The following COL23A1 variants were observed in gnomAD, a reference collection of about 807,000 sequenced individuals.
COL23A1 encodes collagen type XXIII alpha 1 chain.
A neutral mutation model predicts 99.3 loss-of-function variants in COL23A1; 97 were observed. That is an observed-to-expected ratio of 0.98 (90% confidence interval 0.83 to 1.16). The LOEUF (loss-of-function observed/expected upper bound fraction) is 1.16, where lower values mean the gene tolerates loss of function less well. Ranked by LOEUF, COL23A1 falls within the 50% of genes most tolerant of loss-of-function variation. The pLI, the probability that COL23A1 is intolerant of heterozygous loss-of-function variation, is 0.00. For missense variants in COL23A1, 762 were observed against 757.4 expected (o/e 1.01, Z -0.07); for synonymous variants, 320 against 308.2 (o/e 1.04, Z -0.40).
chr5:178,320,626 G>A (rs1288580221), intron 2 of COL23A1, among the ~76,000 whole-genome samples: 2 of 152,208 alleles, frequency 1.3e-5, no homozygotes, highest in African/African-American at 4.8e-5. Flanking sequence ...CCTGGCCTAT[G>A]AGGCTACAAG....
rs2127813008 is a variant in COL23A1 at position 178,428,800 on chromosome 5, C to G, written c.362-121881G>C. Among the ~76,000 whole-genome samples the G allele has an allele frequency of 6.6e-6, 1 of 152,360 alleles. No individual in the cohort carries two copies. Among genetic ancestry groups the G allele is most frequent in the South Asian group, 2.1e-4 (1 of 4,830 alleles). Reference sequence around the variant, plus strand: ...CAGTGTTAGGATTTTAACTGCTCATCTGCCCAGATGGGGGCTGTGCAAGCA... The same window carrying G: ...CAGTGTTAGGATTTTAACTGCTCATGTGCCCAGATGGGGGCTGTGCAAGCA... On this transcript the variant is annotated intron_variant, in intron 2 of 28. Transcript: ENST00000390654. The surrounding 1 kb of genome is among the most constrained non-coding windows in gnomAD (Gnocchi z 5.0).
At chr5:178,410,386 GGAATAGCAAGAGGGCTT>G (rs1561947169) in intron 2 of COL23A1, among the ~76,000 whole-genome samples, 1 of 152,096 alleles carries the variant, frequency 6.6e-6, no homozygotes, top group African/African-American at 2.4e-5. Context: ...AAATTCATAC[GGAATAGCAAGAGGGCTT>G]GAATAGCCAA....
At chr5:178,267,229 G>A in intron 8 of COL23A1, 78 bp downstream of exon 8, 1 of 1,493,902 alleles carries the variant, frequency 6.7e-7, no homozygotes, top group East Asian at 2.3e-5. Context: ...CTGGGACCCA[G>A]AAGCAGCGCC....
In COL23A1 at chr5:178,280,506, G is replaced by C. The variant is rs1232369440; in HGVS notation, c.441+7818C>G. Among the ~76,000 whole-genome samples the C allele has an allele frequency of 1.3e-5, 2 of 152,148 alleles. No individual in the cohort carries two copies. Among genetic ancestry groups the C allele is most frequent in the Non-Finnish European group, 2.9e-5 (2 of 68,014 alleles). On this transcript the variant is annotated intron_variant, in intron 5 of 28. Coordinates refer to ENST00000390654, the MANE Select transcript of COL23A1 (RefSeq NM_173465.4). The surrounding 1 kb of genome is among the most constrained non-coding windows in gnomAD (Gnocchi z 4.9). ...ACTGCATGGGCTGGACATCGTGCCA[G>C]CCCTGGGTCCTGGTCGGGGGCAGCT...
chr5:178,249,716 A>ACACTCTCTCTCTCTCTCTCTCTCT, intron 18 of COL23A1, among the ~76,000 whole-genome samples: 1 of 92,752 alleles, frequency 1.1e-5, no homozygotes. Flanking sequence ...ACACACACAC[A>ACACTCTCTCTCTCTCTCTCTCTCT]CTCTCTCTCT....
chr5:178,305,793 G>C (rs1045387791), intron 3 of COL23A1, among the ~76,000 whole-genome samples: 9 of 152,168 alleles, frequency 5.9e-5, no homozygotes, highest in African/African-American at 2.2e-4. Context: ...ACGGCAGTGA[G>C]AAGAGAGAAG....
At chr5:178,242,514 C>T in intron 25 of COL23A1, 120 bp from the exon 26 acceptor site, 1 of 956,496 alleles carries the variant, frequency 1.0e-6, no homozygotes, top group Admixed American at 1.9e-5. Flanking sequence ...ATATTCGTGG[C>T]ACACGCTGGC....
At chr5:178,523,223 G>C (rs1304479180) in intron 2 of COL23A1, among the ~76,000 whole-genome samples, 10 of 115,086 alleles carry the variant, frequency 8.7e-5, no homozygotes, top group Non-Finnish European at 1.6e-4. Flanking sequence ...GAGAGAGAGA[G>C]AGACAGAGGG....
At chr5:178,580,502 G>A (rs1447697411) in intron 1 of COL23A1, among the ~76,000 whole-genome samples, 1 of 151,658 alleles carries the variant, frequency 6.6e-6, no homozygotes, top group East Asian at 1.9e-4. Context: ...GCTTAGTCCT[G>A]AAATATGTTT....
chr5:178,339,106 G>A (rs1358522078), intron 2 of COL23A1, among the ~76,000 whole-genome samples: 1 of 152,146 alleles, frequency 6.6e-6, no homozygotes, highest in Non-Finnish European at 1.5e-5. Flanking sequence ...CTCAAAGAGA[G>A]GTTCATGCTG....
chr5:178,480,164 A>T (rs1757256272), intron 2 of COL23A1, among the ~76,000 whole-genome samples: 1 of 152,100 alleles, frequency 6.6e-6, no homozygotes, highest in Non-Finnish European at 1.5e-5. Flanking sequence ...AAAAAAGAAA[A>T]TTTTTTAAAT....
chr5:178,556,355 G>C lies in COL23A1; in HGVS notation c.361+4327C>G, dbSNP rs1762270872. Among the ~76,000 whole-genome samples the C allele has an allele frequency of 2.0e-5, 3 of 152,104 alleles. No homozygotes were observed. The South Asian group carries it at 6.2e-4, about 32-fold the overall frequency. On this transcript the variant is annotated intron_variant, in intron 2 of 28. Coordinates refer to ENST00000390654, the MANE Select transcript of COL23A1 (RefSeq NM_173465.4). ...TAGTTGAAATGGGCCAGGCATGGTG[G>C]CTCACGCCTATAATCCCAGTACTTT...
At chr5:178,328,225 C>T (rs1487309872) in intron 2 of COL23A1, among the ~76,000 whole-genome samples, 2 of 152,216 alleles carry the variant, frequency 1.3e-5, no homozygotes, top group Admixed American at 6.5e-5. Flanking sequence ...CACGTCCCCA[C>T]TGAATTTCCT....
At chr5:178,452,876 A>T (rs1190146019) in intron 2 of COL23A1, among the ~76,000 whole-genome samples, 4 of 152,210 alleles carry the variant, frequency 2.6e-5, no homozygotes, top group African/African-American at 9.6e-5. Context: ...TCAAAATCAG[A>T]ACTGCTAATT....
intron 2 of COL23A1, among the ~76,000 whole-genome samples, chr5:178,358,538 GTA>G (rs752428602): frequency 0.1 from 14,680 of 145,900 alleles, 906 homozygotes; most frequent in Middle Eastern, 0.24. Flanking sequence ...TCTAGTGTGT[GTA>G]TGTGTGTGTA....
Position 178,308,847 on chromosome 5 carries a change from TC to T in COL23A1, c.362-1929del, listed in dbSNP as rs1758508824. On this transcript the variant is annotated intron_variant, in intron 2 of 28. Coordinates refer to ENST00000390654, the MANE Select transcript of COL23A1 (RefSeq NM_173465.4). This position sits in a 1 kb window ranked among gnomAD's most constrained non-coding sequence, Gnocchi z 5.1. Reference sequence around the variant, plus strand: ...ACTCTCGGGGGGGGCTTTCCTCCTCTCTGGGCCTGTTTTCAATGAGAGCGAG... The same window carrying T: ...ACTCTCGGGGGGGGCTTTCCTCCTCTTGGGCCTGTTTTCAATGAGAGCGAG... Among the ~76,000 whole-genome samples the T allele has an allele frequency of 6.6e-6, 1 of 151,672 alleles. No individual in the cohort carries two copies. The highest frequency in any genetic ancestry group is 6.6e-5 in the Admixed American group (1 of 15,240).
intron 2 of COL23A1, among the ~76,000 whole-genome samples, chr5:178,477,939 T>C (rs1757120441): frequency 6.6e-6 from 1 of 152,092 alleles, no homozygotes; most frequent in African/African-American, 2.4e-5. Context: ...AAACTAGACA[T>C]GAGAAGGCAG....
intron 18 of COL23A1, 55 bp from the exon 19 acceptor site, chr5:178,249,261 C>T: frequency 2.6e-6 from 4 of 1,541,294 alleles, no homozygotes; most frequent in Admixed American, 3.3e-5. Context: ...CCTCCCTTCT[C>T]CCCCCAGCAG....
chr5:178,528,073 T>G (rs574365619), intron 2 of COL23A1, among the ~76,000 whole-genome samples: 4 of 152,320 alleles, frequency 2.6e-5, no homozygotes. Flanking sequence ...GTGACATCTG[T>G]GCACCTCAGA....
Sources: allele counts gnomAD v4.1 joint callset (sites outside exome capture counted in the v4.1 genomes callset), GRCh38; gene constraint gnomAD v4.1.1; non-coding constraint Gnocchi (gnomAD v3.1); transcripts MANE v1.5; gene names NCBI Gene and HGNC (gene_info 2026-07-23, HGNC 2026-07-21).